Variants in SLC24A2 observed in about 807,000 individuals in gnomAD.
SLC24A2 encodes solute carrier family 24 member 2.
Under a neutral mutation model 62.0 loss-of-function variants are expected in SLC24A2, and 36 were observed. That is an observed-to-expected ratio of 0.58 (90% CI 0.44 to 0.77). SLC24A2 has a LOEUF of 0.77. Ranked by LOEUF, SLC24A2 falls within the 30% of genes least tolerant of loss-of-function variation. The pLI is 0.00. For missense variants in SLC24A2, 846 were observed against 817.9 expected (o/e 1.03, Z -0.42); for synonymous variants, 358 against 294.0 (o/e 1.22, Z -2.23).
the SLC24A2 span, among the ~76,000 whole-genome samples, chr9:20,290,915 G>A: frequency 2.0e-5 from 3 of 152,176 alleles, no homozygotes; most frequent in Non-Finnish European, 4.4e-5. Context: ...GGACCACCTA[G>A]CATTGACCCA....
the SLC24A2 span, among the ~76,000 whole-genome samples, chr9:19,948,866 A>G: frequency 1.7e-4 from 11 of 66,612 alleles, no homozygotes; most frequent in Non-Finnish European, 4.0e-4. Flanking sequence ...AAAAAAAAAA[A>G]TGAAAACAGA....
chr9:19,673,888 G>A (rs1221343626), intron 2 of SLC24A2, among the ~76,000 whole-genome samples: 2 of 152,162 alleles, frequency 1.3e-5, no homozygotes, highest in Non-Finnish European at 2.9e-5. Flanking sequence ...GAGATGTGAG[G>A]TACTATTCTA....
intron 5 of SLC24A2, among the ~76,000 whole-genome samples, chr9:19,593,119 C>A (rs75247186): frequency 0.022 from 3,288 of 152,324 alleles, 48 homozygotes; most frequent in Non-Finnish European, 0.027. Flanking sequence ...ACATCGCCTG[C>A]CAGGCACAGT....
chr9:20,305,992 C>T, the SLC24A2 span, among the ~76,000 whole-genome samples: 1 of 152,098 alleles, frequency 6.6e-6, no homozygotes, highest in Non-Finnish European at 1.5e-5. Context: ...TTTAAGGATA[C>T]CTGTCATTCT....
chr9:19,599,040 T>G lies in SLC24A2; in HGVS notation c.1079-1761A>C, dbSNP rs1836777633. 6.6e-6 allele frequency among the ~76,000 whole-genome samples: 1 copy of G among 152,216 alleles called. No homozygotes were observed. Among genetic ancestry groups the G allele is most frequent in the Non-Finnish European group, 1.5e-5 (1 of 68,040 alleles). On this transcript the variant is annotated intron_variant, in intron 4 of 10. Transcript: ENST00000341998. The surrounding 1 kb of genome is among the most constrained non-coding windows in gnomAD (Gnocchi z 4.5). ...ATTCTACACAGTGACAATACACCAT[T>G]GCATTTTTATGGATCCATTTTTGTA...
intron 2 of SLC24A2, among the ~76,000 whole-genome samples, chr9:19,685,786 G>T (rs1819863372): frequency 6.6e-6 from 1 of 152,040 alleles, no homozygotes; most frequent in Non-Finnish European, 1.5e-5. Context: ...ATGAATTAAA[G>T]ACAAATGTAA....
intron 2 of SLC24A2, among the ~76,000 whole-genome samples, chr9:19,748,854 C>T (rs16923496): frequency 2.1e-3 from 315 of 151,888 alleles, no homozygotes; most frequent in African/African-American, 6.5e-3. Context: ...AGCAACCCTT[C>T]TTTGTTTCAA....
At chr9:20,059,805 A>G in the SLC24A2 span, among the ~76,000 whole-genome samples, 2 of 152,140 alleles carry the variant, frequency 1.3e-5, no homozygotes, top group Non-Finnish European at 2.9e-5. Flanking sequence ...TGAAAATTAG[A>G]GCAGAGATAA....
chr9:19,894,352 G>A, the SLC24A2 span, among the ~76,000 whole-genome samples: 1 of 152,162 alleles, frequency 6.6e-6, no homozygotes, highest in African/African-American at 2.4e-5. Flanking sequence ...GGCTGTCTTA[G>A]ATATTTCCTC....
chr9:19,983,419 C>T, the SLC24A2 span, among the ~76,000 whole-genome samples: 5 of 151,972 alleles, frequency 3.3e-5, no homozygotes, highest in Non-Finnish European at 7.4e-5. Context: ...CCAAGGTGGG[C>T]GGATCATGAG....
chr9:19,936,590 C>A, the SLC24A2 span, among the ~76,000 whole-genome samples: 1 of 152,246 alleles, frequency 6.6e-6, no homozygotes, highest in African/African-American at 2.4e-5. Flanking sequence ...AGACAACTTA[C>A]AATAGTACAA....
At chr9:20,051,651 C>CTCTTTTTTT in the SLC24A2 span, among the ~76,000 whole-genome samples, 30 of 63,636 alleles carry the variant, frequency 4.7e-4, 1 homozygote, top group African/African-American at 1.9e-3. Context: ...GAGGTTTTTT[C>CTCTTTTTTT]TTTCTCTTTT....
At chr9:19,722,469 T>C (rs1821054589) in intron 2 of SLC24A2, among the ~76,000 whole-genome samples, 1 of 152,080 alleles carries the variant, frequency 6.6e-6, no homozygotes, top group African/African-American at 2.4e-5. Flanking sequence ...ACAGAAAAGC[T>C]GAAAATAGTT....
At chr9:20,099,527 C>T in the SLC24A2 span, among the ~76,000 whole-genome samples, 1 of 152,004 alleles carries the variant, frequency 6.6e-6, no homozygotes, top group Non-Finnish European at 1.5e-5. Flanking sequence ...CCTTCAAAAA[C>T]AATTTTTAAC....
the SLC24A2 span, among the ~76,000 whole-genome samples, chr9:19,916,531 A>T: frequency 6.6e-6 from 1 of 152,080 alleles, no homozygotes; most frequent in African/African-American, 2.4e-5. Flanking sequence ...ATTTCCTTCC[A>T]CTTTTACAAA....
intron 7 of SLC24A2, among the ~76,000 whole-genome samples, chr9:19,572,206 G>C (rs891448046): frequency 5.7e-5 from 8 of 139,448 alleles, no homozygotes; most frequent in African/African-American, 2.1e-4. Flanking sequence ...GTTGCAGTGA[G>C]CTGAGATTGA....
At chr9:19,936,028 T>G in the SLC24A2 span, among the ~76,000 whole-genome samples, 1 of 152,170 alleles carries the variant, frequency 6.6e-6, no homozygotes, top group African/African-American at 2.4e-5. Flanking sequence ...GAAATTCACT[T>G]GAGTATGAGG....
the SLC24A2 span, among the ~76,000 whole-genome samples, chr9:20,110,602 C>T: frequency 9.2e-5 from 14 of 152,022 alleles, no homozygotes; most frequent in Non-Finnish European, 2.1e-4. Context: ...TTCTATGCCA[C>T]CCAGAGTCAG....
Position 19,622,265 on chromosome 9 carries a change from A to C in SLC24A2, c.965T>G (p.Leu322Arg). ...SAARDKDEPT[L>R]PAKPRLQRGG... ...GACAAAGCCACTGCTTCCTACCGGT[A>C]GAGTTGGTTCATCCTTGTCCCTGGC... Residue 322 changes from leucine (L) to arginine (R), a missense_variant, in exon 3 of 11, where the codon CTA becomes CGA. Transcript: ENST00000341998. 6.2e-7 allele frequency: 1 copy of C among 1,613,236 alleles called. No individual in the cohort carries two copies. The highest frequency in any genetic ancestry group is 1.1e-5 in the South Asian group (1 of 91,038).
Sources: gnomAD v4.1 joint callset for allele counts (sites outside exome capture counted in the v4.1 genomes callset) on GRCh38, gnomAD v4.1.1 for gene constraint, Gnocchi (gnomAD v3.1) non-coding constraint, MANE v1.5 for transcripts, NCBI Gene and HGNC (gene_info 2026-07-23, HGNC 2026-07-21) for gene names.